The following PPP1R37 variants were observed in gnomAD, a reference collection of about 807,000 sequenced individuals.
The protein encoded by PPP1R37 is protein phosphatase 1 regulatory subunit 37.
PPP1R37 carries 21 observed loss-of-function variants against 61.0 expected under a neutral mutation model. The observed-to-expected ratio is 0.34, with a 90% CI of 0.24 to 0.50. PPP1R37 has a LOEUF of 0.50. Ranked by LOEUF, PPP1R37 falls within the 20% of genes least tolerant of loss-of-function variation. PPP1R37 has a pLI of 0.98. For synonymous variants in PPP1R37, 443 were observed against 433.5 expected (o/e 1.02, Z -0.27); for missense variants, 910 against 952.7 (o/e 0.96, Z 0.59).
At chr19:45,146,113 C>G in intron 11 of PPP1R37, 64 bp downstream of exon 11, 2 of 1,427,580 alleles carry the variant, frequency 1.4e-6, no homozygotes, top group Non-Finnish European at 1.8e-6. Context: ...CCAGGCAAGC[C>G]CCTGCCTGTT....
intron 1 of PPP1R37, among the ~76,000 whole-genome samples, chr19:45,112,331 G>GAA (rs1968212346): frequency 6.6e-6 from 1 of 152,212 alleles, no homozygotes; most frequent in Non-Finnish European, 1.5e-5. Context: ...CATTTCACCT[G>GAA]GGGCGTGAGC....
chr19:45,095,641 T>A (rs762839497), intron 1 of PPP1R37, among the ~76,000 whole-genome samples: 68 of 151,354 alleles, frequency 4.5e-4, no homozygotes, highest in Middle Eastern at 3.4e-3. Flanking sequence ...TGCACGCCTG[T>A]AGTCCCAGCA....
chr19:45,117,361 C>T (rs903702693), intron 1 of PPP1R37, among the ~76,000 whole-genome samples: 4 of 152,108 alleles, frequency 2.6e-5, no homozygotes, highest in Non-Finnish European at 5.9e-5. Flanking sequence ...GCTGAGGAGG[C>T]GTGGGCGAGC....
chr19:45,140,338 C>A (rs2122753207), intron 3 of PPP1R37, 57 bp downstream of exon 3: 2 of 1,498,564 alleles, frequency 1.3e-6, no homozygotes, highest in South Asian at 1.2e-5. Context: ...CGGGGGCTCC[C>A]TAGAGCTGGG....
rs572367763 is a variant in PPP1R37 at position 45,118,280 on chromosome 19, G to A, written c.203-20234G>A. Among the ~76,000 whole-genome samples, 9 of 152,326 alleles carry A rather than the reference G, an allele frequency of 5.9e-5. No individual in the cohort carries two copies. The South Asian group carries it at 1.9e-3, about 32-fold the overall frequency. On this transcript the variant is annotated intron_variant, in intron 1 of 12. Transcript: ENST00000221462. Reference sequence around the variant, plus strand: ...GGGTTCCCCAGTGCAGAGTGGGTGGGAAGCCCGGGGCCTGTGACCTGTGTC... The same window carrying A: ...GGGTTCCCCAGTGCAGAGTGGGTGGAAAGCCCGGGGCCTGTGACCTGTGTC...
chr19:45,100,404 C>T (rs912022439), intron 1 of PPP1R37: 4 of 152,222 alleles, frequency 2.6e-5, no homozygotes, highest in African/African-American at 9.6e-5. Flanking sequence ...CATTGCCTTC[C>T]ATGTGCCTGT....
rs1968467507 is a variant in PPP1R37 at position 45,130,856 on chromosome 19, T to A, written c.203-7658T>A. ...GTTGTTACGGAGCAGCCCTAAATATTCCTGCTCCAGGCTTGTCTGGACTTC... is the reference window on the plus strand; with the variant it reads ...GTTGTTACGGAGCAGCCCTAAATATACCTGCTCCAGGCTTGTCTGGACTTC... On this transcript the variant is annotated intron_variant, in intron 1 of 12. Coordinates refer to ENST00000221462, the MANE Select transcript of PPP1R37 (RefSeq NM_019121.2). The surrounding 1 kb of genome is among the most constrained non-coding windows in gnomAD (Gnocchi z 4.4). Among the ~76,000 whole-genome samples the A allele has an allele frequency of 6.6e-6, 1 of 152,040 alleles. No individual in the cohort carries two copies. The highest frequency in any genetic ancestry group is 2.1e-4 in the South Asian group (1 of 4,824).
intron 1 of PPP1R37, among the ~76,000 whole-genome samples, chr19:45,095,433 G>T (rs894446563): frequency 6.7e-6 from 1 of 148,566 alleles, no homozygotes; most frequent in Non-Finnish European, 1.5e-5. Flanking sequence ...CACCGTGCCC[G>T]GCTGGCTAGT....
rs546214741 is a variant in PPP1R37 at position 45,104,142 on chromosome 19, C to T, written c.202+10615C>T. Among the ~76,000 whole-genome samples, 6 of 152,352 alleles carry T rather than the reference C, an allele frequency of 3.9e-5. No individual in the cohort carries two copies. The South Asian group carries it at 8.3e-4, about 21-fold the overall frequency. Reference sequence around the variant, plus strand: ...CCCCTGCCCTTCCTGACCAACTCCCCCTCCCGTGCTGCCTTCTGGGCAAGG... The same window carrying T: ...CCCCTGCCCTTCCTGACCAACTCCCTCTCCCGTGCTGCCTTCTGGGCAAGG... On this transcript the variant is annotated intron_variant, in intron 1 of 12. Transcript: ENST00000221462.
At position 45,146,873 on chromosome 19, in the gene PPP1R37, T is replaced by C. The variant is rs886380493; in HGVS notation, c.*311T>C. ...GGCGCCTGTTCTGGAGGGGCCAGGC[T>C]TGCCCTGCGGAGGGCAGGCGTCCTG... On this transcript the variant is annotated 3_prime_UTR_variant, in exon 13 of 13. Transcript: ENST00000221462. The C allele has an allele frequency of 6.9e-5, 13 of 188,382 alleles. No homozygotes were observed. The highest frequency in any genetic ancestry group is 1.3e-4 in the Non-Finnish European group (12 of 89,250). 11.7% of individuals were successfully genotyped at this position (188,382 alleles called of 1,614,324 possible).
chr19:45,137,566 C>T (rs549908964), intron 1 of PPP1R37, among the ~76,000 whole-genome samples: 2 of 152,132 alleles, frequency 1.3e-5, no homozygotes, highest in African/African-American at 2.4e-5. Flanking sequence ...TGGGAACACC[C>T]GGGACCAGGC....
intron 1 of PPP1R37, among the ~76,000 whole-genome samples, chr19:45,111,143 T>C (rs185836526): frequency 4.4e-4 from 67 of 152,316 alleles, no homozygotes; most frequent in Admixed American, 1.2e-3. Flanking sequence ...GTATGCTCAT[T>C]TGACCCTGAC....
At chr19:45,113,798 C>A (rs1037657752) in intron 1 of PPP1R37, among the ~76,000 whole-genome samples, 1 of 152,228 alleles carries the variant, frequency 6.6e-6, no homozygotes, top group Non-Finnish European at 1.5e-5. Flanking sequence ...TATTTATCCC[C>A]AGGTCTTCAC....
At chr19:45,106,524 G>A (rs1371226658) in intron 1 of PPP1R37, among the ~76,000 whole-genome samples, 1 of 151,898 alleles carries the variant, frequency 6.6e-6, no homozygotes, top group Non-Finnish European at 1.5e-5. Context: ...GATTACAGGC[G>A]TGAGCCGCCG....
At chr19:45,102,521 G>C (rs999944150) in intron 1 of PPP1R37, among the ~76,000 whole-genome samples, 4 of 152,222 alleles carry the variant, frequency 2.6e-5, no homozygotes, top group African/African-American at 9.6e-5. Context: ...GAGGACATGG[G>C]AAAGTTGAGT....
intron 1 of PPP1R37, among the ~76,000 whole-genome samples, chr19:45,124,562 G>A (rs889934815): frequency 2.6e-5 from 4 of 152,038 alleles, no homozygotes; most frequent in African/African-American, 9.7e-5. Context: ...TCGCTCTCAC[G>A]CATCATCTGT....
At chr19:45,126,571 C>T (rs553697018) in intron 1 of PPP1R37, among the ~76,000 whole-genome samples, 6 of 152,342 alleles carry the variant, frequency 3.9e-5, no homozygotes, top group Non-Finnish European at 7.3e-5. Flanking sequence ...ATTGCACCCT[C>T]GCCCTACCTC....
chr19:45,105,904 G>T (rs1398599936), intron 1 of PPP1R37, among the ~76,000 whole-genome samples: 3 of 152,224 alleles, frequency 2.0e-5, no homozygotes, highest in East Asian at 3.9e-4. Context: ...TGGAGTTGGG[G>T]CTGTTGCTGG....
chr19:45,137,147 C>T (rs1041024318), intron 1 of PPP1R37, among the ~76,000 whole-genome samples: 4 of 151,976 alleles, frequency 2.6e-5, no homozygotes, highest in African/African-American at 7.2e-5. Context: ...ATCTTTCTAA[C>T]GGCCAGTCCT....
Sources: gnomAD v4.1 joint callset for allele counts (sites outside exome capture counted in the v4.1 genomes callset) on GRCh38, gnomAD v4.1.1 for gene constraint, Gnocchi (gnomAD v3.1) non-coding constraint, MANE v1.5 for transcripts, NCBI Gene and HGNC (gene_info 2026-07-23, HGNC 2026-07-21) for gene names.